The following TRAPPC9 variants were observed in gnomAD, a reference collection of about 807,000 sequenced individuals.
TRAPPC9 encodes IKK2 binding protein.
A neutral mutation model predicts 124.0 loss-of-function variants in TRAPPC9; 83 were observed. The ratio of observed to expected loss-of-function variants is 0.67; its 90% CI spans 0.56 to 0.80. The LOEUF is 0.80. Among genes scored for constraint, TRAPPC9 ranks in the 30% least tolerant of loss-of-function variants. The pLI is 0.00. For synonymous variants in TRAPPC9, 638 were observed against 617.5 expected, an observed-to-expected ratio of 1.03 and a Z score of -0.49; for missense variants, 1,302 against 1,508.3, an observed-to-expected ratio of 0.86 and a Z score of 2.27.
At chr8:139,904,044 C>T (rs757604157) in intron 20 of TRAPPC9, among the ~76,000 whole-genome samples, 2 of 151,980 alleles carry the variant, frequency 1.3e-5, no homozygotes, top group African/African-American at 2.4e-5. Flanking sequence ...TATGTGCTAG[C>T]GATTATACAC....
chr8:139,995,030 C>T (rs2131744560), intron 18 of TRAPPC9, among the ~76,000 whole-genome samples: 1 of 151,704 alleles, frequency 6.6e-6, no homozygotes, highest in East Asian at 1.9e-4. Context: ...ATGGAGTAAG[C>T]ACAATCTACC....
chr8:139,888,023 C>T lies in TRAPPC9; in HGVS notation c.2965-2054G>A, dbSNP rs559739226. ...CTGACACCCGTGGGCCTGCTGATGG[C>T]TTCTGCACATTCTCAGGGTTCACTG... is the stretch of plus-strand genomic sequence containing the variant. On this transcript the variant is annotated intron_variant, in intron 20 of 22. Coordinates refer to ENST00000438773, the MANE Select transcript of TRAPPC9 (RefSeq NM_001160372.4). 1.6e-4 allele frequency among the ~76,000 whole-genome samples: 25 copies of T among 152,312 alleles called. No homozygotes were observed. In the South Asian group the frequency reaches 4.8e-3, roughly 29 times the overall value.
intron 17 of TRAPPC9, among the ~76,000 whole-genome samples, chr8:140,136,405 A>G (rs2061304396): frequency 2.0e-5 from 3 of 152,162 alleles, no homozygotes; most frequent in Non-Finnish European, 2.9e-5. Flanking sequence ...CTGTTGTCTG[A>G]GTGCCATCTT....
At chr8:140,051,051 C>T (rs1010205588) in intron 17 of TRAPPC9, among the ~76,000 whole-genome samples, 3 of 152,200 alleles carry the variant, frequency 2.0e-5, no homozygotes, top group Admixed American at 6.5e-5. Flanking sequence ...GTGGCCATTC[C>T]GTACAAGGAA....
At chr8:140,254,053 C>T (rs190275166) in intron 15 of TRAPPC9, among the ~76,000 whole-genome samples, 23 of 152,302 alleles carry the variant, frequency 1.5e-4, no homozygotes, top group East Asian at 5.8e-4. Context: ...GAGGCCACTG[C>T]TGGTGCCCGC....
chr8:140,000,736 A>G (rs1299400058), intron 18 of TRAPPC9, among the ~76,000 whole-genome samples: 1 of 152,136 alleles, frequency 6.6e-6, no homozygotes, highest in African/African-American at 2.4e-5. Flanking sequence ...GAAACAATAG[A>G]TGCTGGAGAG....
intron 16 of TRAPPC9, among the ~76,000 whole-genome samples, chr8:140,250,489 G>C (rs756358875): frequency 6.6e-6 from 1 of 152,136 alleles, no homozygotes; most frequent in Non-Finnish European, 1.5e-5. Context: ...GCTACAGGGG[G>C]TCGTCTCCCA....
intron 18 of TRAPPC9, among the ~76,000 whole-genome samples, chr8:140,011,624 C>A (rs1207850301): frequency 6.8e-6 from 1 of 147,536 alleles, no homozygotes; most frequent in African/African-American, 2.5e-5. Flanking sequence ...CTACCTCAGC[C>A]TCCCAAGTAG....
At chr8:139,844,773 T>G (rs1160485045) in intron 21 of TRAPPC9, among the ~76,000 whole-genome samples, 1 of 152,190 alleles carries the variant, frequency 6.6e-6, no homozygotes, top group Admixed American at 6.5e-5. Flanking sequence ...GCCACCTCAT[T>G]CACCAGCTAA....
At chr8:140,197,587 G>A (rs2062698525) in intron 17 of TRAPPC9, among the ~76,000 whole-genome samples, 1 of 152,190 alleles carries the variant, frequency 6.6e-6, no homozygotes, top group Non-Finnish European at 1.5e-5. Flanking sequence ...GGACTATCTA[G>A]ATGAAATACA....
chr8:139,809,660 C>T (rs1824301495), intron 21 of TRAPPC9, among the ~76,000 whole-genome samples: 1 of 152,160 alleles, frequency 6.6e-6, no homozygotes, highest in Non-Finnish European at 1.5e-5. Flanking sequence ...TTCCTGCTCT[C>T]CCTGCAGAAG....
At chr8:139,763,673 C>T (rs183831586) in intron 21 of TRAPPC9, among the ~76,000 whole-genome samples, 39 of 152,090 alleles carry the variant, frequency 2.6e-4, no homozygotes, top group Admixed American at 4.6e-4. Context: ...CATGCACGCA[C>T]GCGTGCACAC....
intron 21 of TRAPPC9, among the ~76,000 whole-genome samples, chr8:139,858,334 T>C (rs1827926016): frequency 1.3e-5 from 2 of 152,226 alleles, no homozygotes; most frequent in Non-Finnish European, 2.9e-5. Context: ...TAAGGAGGGT[T>C]GTGCATCTTT....
chr8:140,044,477 T>C (rs960333537), intron 17 of TRAPPC9, among the ~76,000 whole-genome samples: 11 of 152,202 alleles, frequency 7.2e-5, no homozygotes, highest in African/African-American at 2.7e-4. Context: ...GTGCCCAACT[T>C]TGAAGACCAT....
At chr8:140,348,551 A>G (rs553092658) in intron 9 of TRAPPC9, among the ~76,000 whole-genome samples, 14 of 152,270 alleles carry the variant, frequency 9.2e-5, no homozygotes, top group African/African-American at 2.4e-4. Context: ...CCAAAGACCT[A>G]AAGATGTTCA....
chr8:139,768,588 T>C (rs1482727309), intron 21 of TRAPPC9, among the ~76,000 whole-genome samples: 2 of 152,226 alleles, frequency 1.3e-5, no homozygotes, highest in Non-Finnish European at 2.9e-5. Flanking sequence ...CTGGTAATAG[T>C]CCATTTCTTC....
chr8:140,153,350 T>G (rs2061578252), intron 17 of TRAPPC9, among the ~76,000 whole-genome samples: 1 of 152,058 alleles, frequency 6.6e-6, no homozygotes, highest in Non-Finnish European at 1.5e-5. Context: ...CCCTTCTGCT[T>G]GGAATGCAAT....
At chr8:140,044,592 C>T (rs1174136411) in intron 17 of TRAPPC9, among the ~76,000 whole-genome samples, 4 of 152,232 alleles carry the variant, frequency 2.6e-5, no homozygotes, top group Non-Finnish European at 5.9e-5. Context: ...CCCCAGGGCA[C>T]AGCACAGAGC....
chr8:139,986,135 C>T (rs1264863995), intron 19 of TRAPPC9, among the ~76,000 whole-genome samples: 1 of 152,128 alleles, frequency 6.6e-6, no homozygotes, highest in East Asian at 1.9e-4. Context: ...CCTGGCTACT[C>T]AGGAGGCTGA....
Sources: allele counts gnomAD v4.1 joint callset (sites outside exome capture counted in the v4.1 genomes callset), GRCh38; gene constraint gnomAD v4.1.1; transcripts MANE v1.5; gene names NCBI Gene and HGNC (gene_info 2026-07-23, HGNC 2026-07-21).